Variants in CCDC146 observed in about 807,000 individuals in gnomAD.
CCDC146 encodes coiled-coil domain containing 146.
CCDC146 carries 92 observed loss-of-function variants against 119.3 expected under a neutral mutation model. The ratio of observed to expected loss-of-function variants is 0.77; its 90% CI spans 0.65 to 0.92. CCDC146 has a LOEUF of 0.92. Among genes scored for constraint, CCDC146 ranks in the 40% least tolerant of loss-of-function variants. CCDC146 has a pLI of 0.00. For synonymous variants in CCDC146, 372 were observed against 371.8 expected (o/e 1.00, Z -0.01); for missense variants, 1,000 against 1,103.0 (o/e 0.91, Z 1.32).
intron 2 of CCDC146, among the ~76,000 whole-genome samples, chr7:77,203,177 G>T (rs1027364223): frequency 3.3e-5 from 5 of 151,940 alleles, no homozygotes; most frequent in African/African-American, 1.2e-4. Flanking sequence ...TAGGAAAGGA[G>T]ATGGAGGCAT....
chr7:77,150,442 G>C (rs1191887501), intron 1 of CCDC146, among the ~76,000 whole-genome samples: 4 of 152,182 alleles, frequency 2.6e-5, no homozygotes, highest in Non-Finnish European at 4.4e-5. Context: ...ATGGCAAAAA[G>C]AAGTGTATGA....
chr7:77,162,012 T>C (rs963896459), intron 1 of CCDC146, among the ~76,000 whole-genome samples: 1 of 152,136 alleles, frequency 6.6e-6, no homozygotes, highest in Non-Finnish European at 1.5e-5. Flanking sequence ...GTTGTTGCTA[T>C]TCAGTTGTAT....
At chr7:77,246,016 A>G (rs1792943067) in intron 4 of CCDC146, among the ~76,000 whole-genome samples, 1 of 152,200 alleles carries the variant, frequency 6.6e-6, no homozygotes, top group Non-Finnish European at 1.5e-5. Context: ...CCATCCAAAA[A>G]GTAATGATTA....
intron 4 of CCDC146, among the ~76,000 whole-genome samples, chr7:77,245,870 T>TAA (rs35387327): frequency 3.4e-5 from 5 of 147,458 alleles, no homozygotes; most frequent in East Asian, 2.0e-4. Context: ...TACCTTAACT[T>TAA]AAAAAAAAAA....
intron 5 of CCDC146, 100 bp from the exon 6 acceptor site, chr7:77,256,233 T>G: frequency 1.2e-6 from 1 of 809,962 alleles, no homozygotes; most frequent in Admixed American, 3.4e-5. Context: ...TCAAAACAAA[T>G]ATAATCAAAA....
At chr7:77,284,701 C>A (rs1412166096) in intron 15 of CCDC146, among the ~76,000 whole-genome samples, 1 of 151,004 alleles carries the variant, frequency 6.6e-6, no homozygotes, top group South Asian at 2.1e-4. Flanking sequence ...TTCACTTTTA[C>A]CCAAGAAGGA....
intron 2 of CCDC146, among the ~76,000 whole-genome samples, chr7:77,222,035 G>C (rs1792413590): frequency 6.6e-6 from 1 of 152,188 alleles, no homozygotes; most frequent in African/African-American, 2.4e-5. Flanking sequence ...ATTTGCAACA[G>C]AATCAAAAAG....
intron 11 of CCDC146, among the ~76,000 whole-genome samples, chr7:77,276,299 G>A (rs139695569): frequency 3.1e-4 from 47 of 151,774 alleles, no homozygotes; most frequent in Non-Finnish European, 4.1e-4. Flanking sequence ...TCTAAGTAAG[G>A]ATTTACATAG....
intron 2 of CCDC146, among the ~76,000 whole-genome samples, chr7:77,213,283 A>G (rs114328557): frequency 0.025 from 3,811 of 151,742 alleles, 141 homozygotes; most frequent in African/African-American, 0.086. Context: ...AGTAGAATCA[A>G]GGTCTCACCA....
At chr7:77,199,652 T>A in intron 2 of CCDC146, 1 of 1,614,202 alleles carries the variant, frequency 6.2e-7, no homozygotes, top group Admixed American at 1.7e-5. Flanking sequence ...TCTTCGCATT[T>A]CCCTCTGCTT....
At chr7:77,146,612 CA>C (rs1243253392) in intron 1 of CCDC146, among the ~76,000 whole-genome samples, 33 of 152,270 alleles carry the variant, frequency 2.2e-4, no homozygotes, top group Admixed American at 2.0e-3. Context: ...CTGGTGGTGA[CA>C]AAATCTCTCA....
intron 1 of CCDC146, among the ~76,000 whole-genome samples, chr7:77,166,536 C>A (rs941587365): frequency 1.3e-5 from 2 of 150,642 alleles, no homozygotes; most frequent in Non-Finnish European, 3.0e-5. Flanking sequence ...AATTAATTTG[C>A]AGAAAAGTGA....
chr7:77,224,429 T>C (rs1325358951), intron 2 of CCDC146, among the ~76,000 whole-genome samples: 1 of 152,220 alleles, frequency 6.6e-6, no homozygotes, highest in Non-Finnish European at 1.5e-5. Flanking sequence ...AATTCTCTGC[T>C]TTGAAGTACT....
chr7:77,144,271 C>T (rs1316391885), intron 1 of CCDC146, among the ~76,000 whole-genome samples: 1 of 151,620 alleles, frequency 6.6e-6, no homozygotes, highest in Non-Finnish European at 1.5e-5. Context: ...GATTTTGTAT[C>T]CTGAGATTTT....
chr7:77,166,942 T>C (rs1791346112), intron 1 of CCDC146, among the ~76,000 whole-genome samples: 1 of 152,240 alleles, frequency 6.6e-6, no homozygotes, highest in African/African-American at 2.4e-5. Flanking sequence ...TTGAACAAAC[T>C]TTCCAATAAG....
At chr7:77,282,256 T>C (rs570028501) in intron 14 of CCDC146, 80 of 284,748 alleles carry the variant, frequency 2.8e-4, no homozygotes, top group African/African-American at 1.7e-3. Context: ...ATCACTTTGT[T>C]TGTGCATTGG....
chr7:77,254,917 T>C (rs1793149474), intron 5 of CCDC146, among the ~76,000 whole-genome samples: 1 of 152,264 alleles, frequency 6.6e-6, no homozygotes, highest in Admixed American at 6.5e-5. Flanking sequence ...AACAAATTTT[T>C]ACAAAGAAAA....
chr7:77,152,370 G>A (rs1272003557), intron 1 of CCDC146, among the ~76,000 whole-genome samples: 1 of 152,174 alleles, frequency 6.6e-6, no homozygotes, highest in Non-Finnish European at 1.5e-5. Context: ...GCTGCCCCAG[G>A]AGAGAGAAAG....
intron 2 of CCDC146, among the ~76,000 whole-genome samples, chr7:77,230,726 T>C (rs936048459): frequency 2.6e-5 from 4 of 152,230 alleles, no homozygotes; most frequent in Non-Finnish European, 5.9e-5. Context: ...TTGATTCTAC[T>C]TGGGATTCTT....
Sources: allele counts gnomAD v4.1 joint callset (sites outside exome capture counted in the v4.1 genomes callset), GRCh38; gene constraint gnomAD v4.1.1; transcripts MANE v1.5; gene names NCBI Gene and HGNC (gene_info 2026-07-23, HGNC 2026-07-21).